MBTPS1: variants seen among roughly 807,000 people sequenced by gnomAD.
MBTPS1 encodes membrane-bound transcription factor site-1 protease.
In MBTPS1, 94 loss-of-function variants were observed where a neutral mutation model predicts 127.8. The observed-to-expected ratio is 0.74, with a 90% CI of 0.62 to 0.87. The LOEUF (loss-of-function observed/expected upper bound fraction) is 0.87. MBTPS1 is among the 40% of genes least tolerant of loss of function. The pLI is 0.00. For synonymous variants in MBTPS1, 632 were observed against 509.4 expected (o/e 1.24, Z -3.24); for missense variants, 1,636 against 1,353.2 (o/e 1.21, Z -3.28).
At chr16:84,095,857 G>A (rs549913624) in intron 3 of MBTPS1, 52 bp from the exon 4 acceptor site, 20 of 1,477,226 alleles carry the variant, frequency 1.4e-5, no homozygotes, top group South Asian at 5.7e-5. Context: ...CGAACTACAC[G>A]ATACCCGCCA....
rs955120718 is a variant in MBTPS1, at chr16:84,055,924, C to G, written c.2962+81G>C. 8 of 1,429,424 alleles carry G rather than the reference C, an allele frequency of 5.6e-6. No homozygotes were observed. In the Admixed American group the frequency reaches 1.3e-4, roughly 23 times the overall value. 88.5% of individuals were successfully genotyped at this position (1,429,424 alleles called of 1,614,324 possible). ...AGGCAGAGACAGGGAGAGTCTGGCC[C>G]GCCTCCTGGGGAGGGAGGGAGACTC... On this transcript the variant is annotated intron_variant, in intron 22 of 22. Transcript: ENST00000343411.
intron 2 of MBTPS1, 71 bp from the exon 3 acceptor site, chr16:84,099,381 A>G (rs975473240): frequency 6.8e-7 from 1 of 1,462,430 alleles, no homozygotes; most frequent in Non-Finnish European, 9.2e-7. Flanking sequence ...TATTGTATCT[A>G]ATCTAAAATC....
intron 19 of MBTPS1, chr16:84,061,066 C>T (rs1427714728): frequency 7.2e-6 from 2 of 278,588 alleles, no homozygotes; most frequent in Non-Finnish European, 1.4e-5. Flanking sequence ...GATCTTCTTG[C>T]CTCAGCCTCC....
intron 9 of MBTPS1, among the ~76,000 whole-genome samples, chr16:84,085,452 C>T (rs1318146441): frequency 6.6e-6 from 1 of 151,806 alleles, no homozygotes; most frequent in Non-Finnish European, 1.5e-5. Flanking sequence ...CCTGTAGTCC[C>T]GGCTACTCAG....
chr16:84,061,118 C>G (rs148831831), intron 19 of MBTPS1: 3,416 of 180,674 alleles, frequency 0.019, 53 homozygotes, highest in Non-Finnish European at 0.021. Flanking sequence ...ACACGTGGCC[C>G]GGAATTTAGC....
At chr16:84,058,502 C>A (rs558869275) in intron 21 of MBTPS1, among the ~76,000 whole-genome samples, 2 of 152,306 alleles carry the variant, frequency 1.3e-5, no homozygotes, top group African/African-American at 4.8e-5. Flanking sequence ...TGTGCCTGCC[C>A]GGCCACGGAC....
chr16:84,068,312 T>A (rs1374613373), intron 15 of MBTPS1, 27 bp downstream of exon 15: 2 of 1,434,750 alleles, frequency 1.4e-6, no homozygotes, highest in South Asian at 1.1e-5. Context: ...GGAAAGACCA[T>A]CTGGCTAGCA....
intron 2 of MBTPS1, among the ~76,000 whole-genome samples, chr16:84,099,568 G>A (rs561302254): frequency 1.3e-5 from 2 of 152,042 alleles, no homozygotes; most frequent in Non-Finnish European, 2.9e-5. Flanking sequence ...GGCAGATTAC[G>A]AGGTGAGGAG....
At chr16:84,080,043 T>C (rs564647020) in intron 11 of MBTPS1, among the ~76,000 whole-genome samples, 1 of 152,304 alleles carries the variant, frequency 6.6e-6, no homozygotes, top group Admixed American at 6.5e-5. Flanking sequence ...CATCCTGTGC[T>C]GCCAGGAAGA....
At chr16:84,055,081 C>G (rs1204633871) in intron 22 of MBTPS1, among the ~76,000 whole-genome samples, 1 of 152,194 alleles carries the variant, frequency 6.6e-6, no homozygotes. Context: ...GCGGAAGAAG[C>G]ACCGCTGGCA....
rs200031615 is a variant in MBTPS1 at position 84,085,062 on chromosome 16, C to T, written c.1207G>A (p.Val403Met). 1.2e-4 allele frequency: 194 copies of T among 1,614,184 alleles called. No individual in the cohort carries two copies. Among genetic ancestry groups the T allele is most frequent in the Admixed American group, 2.8e-4 (17 of 60,030 alleles). The change falls in exon 10 of 23, where the codon GTG (valine) becomes ATG (methionine). Residue 403 changes from valine (V) to methionine (M), a missense_variant. Coordinates refer to ENST00000343411, the MANE Select transcript of MBTPS1 (RefSeq NM_003791.4). ...TYGAGVRGSG[V>M]KGGCRALSGT... ...GAGAGGGCCCGGCACCCCCCTTTCACGCCAGAACCCCGCACGCCAGCACCA... is the reference window on the plus strand; with the variant it reads ...GAGAGGGCCCGGCACCCCCCTTTCATGCCAGAACCCCGCACGCCAGCACCA...
chr16:84,058,828 G>A (rs1039028550), intron 21 of MBTPS1, among the ~76,000 whole-genome samples: 6 of 152,196 alleles, frequency 3.9e-5, no homozygotes, highest in African/African-American at 1.4e-4. Flanking sequence ...TCGGAGGCGG[G>A]TGCTTTCACC....
Position 84,098,707 on chromosome 16 carries a change from C to T in MBTPS1, c.421+346G>A, listed in dbSNP as rs116208932. Among the ~76,000 whole-genome samples, 547 of 152,262 alleles carry T rather than the reference C, an allele frequency of 3.6e-3. 3 individuals are homozygous for T. The highest frequency in any genetic ancestry group is 0.012 in the African/African-American group (508 of 41,552). The stretch of plus-strand genomic sequence containing the variant: ...AGACACAAGGACGCGTCTTTCAGCA[C>T]GAGAAGGCGGCCGCAGCCTTGAAGT... On this transcript the variant is annotated intron_variant, in intron 3 of 22. Coordinates refer to ENST00000343411, the MANE Select transcript of MBTPS1 (RefSeq NM_003791.4).
intron 8 of MBTPS1, among the ~76,000 whole-genome samples, chr16:84,089,996 G>A (rs777792154): frequency 2.6e-5 from 4 of 152,160 alleles, no homozygotes; most frequent in African/African-American, 4.8e-5. Context: ...TCACTGATGC[G>A]ACAGCAAAAT....
chr16:84,073,587 G>A (rs371591200), intron 12 of MBTPS1, among the ~76,000 whole-genome samples: 12 of 152,118 alleles, frequency 7.9e-5, no homozygotes, highest in African/African-American at 2.9e-4. Flanking sequence ...GCTGAGGCTG[G>A]AAGCGAGTTT....
chr16:84,073,026 A>G (rs929380227), intron 12 of MBTPS1, among the ~76,000 whole-genome samples: 2 of 152,258 alleles, frequency 1.3e-5, no homozygotes, highest in African/African-American at 4.8e-5. Flanking sequence ...TGAAATGTTT[A>G]TAATTGAAAA....
In MBTPS1 at chr16:84,102,402, CAT is replaced by C. The variant is rs1491585494; in HGVS notation, c.-324-297_-324-296del. ...ATTAATGTGCCATACAACCATGAAA[CAT>C]ATTATTTCATTTTTATTTACTTATT... On this transcript the variant is annotated intron_variant, in intron 1 of 22. Transcript: ENST00000343411. Among the ~76,000 whole-genome samples, 3 of 152,222 alleles carry C rather than the reference CAT, an allele frequency of 2.0e-5. No individual in the cohort carries two copies. In the East Asian group the frequency reaches 5.8e-4, roughly 29 times the overall value.
At chr16:84,103,967 A>C (rs1373365964) in intron 1 of MBTPS1, among the ~76,000 whole-genome samples, 1 of 152,208 alleles carries the variant, frequency 6.6e-6, no homozygotes, top group Admixed American at 6.5e-5. Context: ...AGATCAGAAA[A>C]GCAGAGGGCA....
rs1021041997 is a variant in MBTPS1, at chr16:84,058,217, C to T, written c.2831+1085G>A. The stretch of plus-strand genomic sequence containing the variant: ...TAAGCATATTCGAAATGAAGACATA[C>T]GGTCAGTGCGTGGTGTGTTCAGCAC... On this transcript the variant is annotated intron_variant, in intron 21 of 22. Transcript: ENST00000343411. Among the ~76,000 whole-genome samples, 7 of 152,206 alleles carry T rather than the reference C, an allele frequency of 4.6e-5. No homozygotes were observed. The South Asian group carries it at 6.2e-4, about 14-fold the overall frequency.
Sources: gnomAD v4.1 joint callset for allele counts (sites outside exome capture counted in the v4.1 genomes callset) on GRCh38, gnomAD v4.1.1 for gene constraint, MANE v1.5 for transcripts, NCBI Gene and HGNC (gene_info 2026-07-23, HGNC 2026-07-21) for gene names.